Variants in CNTNAP4 observed in about 807,000 individuals in gnomAD.
CNTNAP4 encodes contactin-associated protein-like 4.
In CNTNAP4, 98 loss-of-function variants were observed where a neutral mutation model predicts 148.4. That is an observed-to-expected ratio of 0.66 (90% confidence interval 0.56 to 0.78). The LOEUF (loss-of-function observed/expected upper bound fraction) is 0.78. Ranked by LOEUF, CNTNAP4 falls within the 30% of genes least tolerant of loss-of-function variation. The pLI is 0.00. For synonymous variants in CNTNAP4, 730 were observed against 565.1 expected (o/e 1.29, Z -4.14); for missense variants, 1,935 against 1,565.6 (o/e 1.24, Z -3.98).
At chr16:76,311,590 A>G (rs914093533) in intron 1 of CNTNAP4, among the ~76,000 whole-genome samples, 1 of 152,198 alleles carries the variant, frequency 6.6e-6, no homozygotes, top group Non-Finnish European at 1.5e-5. Context: ...AACTGATATC[A>G]AGGTCTATGT....
intron 1 of CNTNAP4, among the ~76,000 whole-genome samples, chr16:76,315,645 A>G (rs976394154): frequency 6.6e-6 from 1 of 151,910 alleles, no homozygotes; most frequent in Non-Finnish European, 1.5e-5. Flanking sequence ...CCCAGGCTGG[A>G]GTGCAGTGGT....
chr16:76,418,713 C>T (rs994040850), intron 3 of CNTNAP4, among the ~76,000 whole-genome samples: 3 of 121,478 alleles, frequency 2.5e-5, no homozygotes, highest in Admixed American at 1.8e-4. Context: ...ATTGTTTTGT[C>T]TCTGCAGAGT....
At chr16:76,443,586 G>A (rs1032928848) in intron 4 of CNTNAP4, among the ~76,000 whole-genome samples, 1 of 151,814 alleles carries the variant, frequency 6.6e-6, no homozygotes, top group South Asian at 2.1e-4. Context: ...GGGAGACCCT[G>A]TCCAAAAAAA....
At chr16:76,322,068 C>T (rs138412554) in intron 2 of CNTNAP4, among the ~76,000 whole-genome samples, 1 of 152,178 alleles carries the variant, frequency 6.6e-6, no homozygotes, top group East Asian at 1.9e-4. Context: ...TGTTGGAAAA[C>T]AGAACATGCC....
intron 10 of CNTNAP4, among the ~76,000 whole-genome samples, chr16:76,468,654 T>C (rs1424138328): frequency 6.6e-6 from 1 of 151,894 alleles, no homozygotes; most frequent in Admixed American, 6.6e-5. Flanking sequence ...CTAGCTAATT[T>C]TTGTATTTTT....
rs772774812 is a variant in CNTNAP4, at chr16:76,553,862, G to C, written c.3688G>C (p.Glu1230Gln). The C allele has an allele frequency of 6.2e-7, 1 of 1,612,234 alleles. No homozygotes were observed. The highest frequency in any genetic ancestry group is 1.3e-5 in the African/African-American group (1 of 74,904). Residue 1230 changes from glutamate (E) to glutamine (Q), a missense_variant, in exon 23 of 24, where the codon GAG becomes CAG. Transcript: ENST00000611870. ...ADHSGTIDDR[E>Q]PLANAIKSDS... ...TCATTCTGGAACAATAGATGACAGA[G>C]AGCCCCTTGCTAATGCAATCAAAAG...
At chr16:76,325,979 A>G (rs184681273) in intron 2 of CNTNAP4, among the ~76,000 whole-genome samples, 1 of 152,334 alleles carries the variant, frequency 6.6e-6, no homozygotes, top group East Asian at 1.9e-4. Flanking sequence ...TTTATAATTA[A>G]AAATGTTTCA....
At chr16:76,309,517 T>C (rs1960860681) in intron 1 of CNTNAP4, among the ~76,000 whole-genome samples, 1 of 152,150 alleles carries the variant, frequency 6.6e-6, no homozygotes, top group Admixed American at 6.5e-5. Flanking sequence ...AGGTATACAT[T>C]TGGCTTTCTC....
rs1166203877 is a variant in CNTNAP4 at position 76,311,285 on chromosome 16, AAGG to A, written c.86-5124_86-5122del. On this transcript the variant is annotated intron_variant, in intron 1 of 23. Coordinates refer to ENST00000611870, the MANE Select transcript of CNTNAP4 (RefSeq NM_033401.5). Reference sequence around the variant, plus strand: ...ATCAATTAAGATGCAAGCTATAGTGAAGGAGGCTATTGAGTTTTTTTGTATATA... The same window carrying A: ...ATCAATTAAGATGCAAGCTATAGTGAAGGCTATTGAGTTTTTTTGTATATA... Among the ~76,000 whole-genome samples, 5 of 152,266 alleles carry A rather than the reference AAGG, an allele frequency of 3.3e-5. No individual in the cohort carries two copies. In the East Asian group the frequency reaches 7.7e-4, roughly 23 times the overall value.
rs376300840 is a variant in CNTNAP4 at position 76,384,560 on chromosome 16, C to T, written c.390+29049C>T. On this transcript the variant is annotated intron_variant, in intron 3 of 23. Coordinates refer to ENST00000611870, the MANE Select transcript of CNTNAP4 (RefSeq NM_033401.5). The stretch of plus-strand genomic sequence containing the variant: ...TTGTGACTGACTTGCTTTTCATTCT[C>T]CCGCACTTGGAGAGTGTGGGATGGA... Among the ~76,000 whole-genome samples the T allele has an allele frequency of 9.9e-5, 15 of 152,188 alleles. 1 individual carries two copies. The South Asian group carries it at 2.5e-3, about 25-fold the overall frequency.
chr16:76,413,385 A>T (rs1159633481), intron 3 of CNTNAP4, among the ~76,000 whole-genome samples: 1 of 151,306 alleles, frequency 6.6e-6, no homozygotes, highest in Non-Finnish European at 1.5e-5. Context: ...AGCACCATGT[A>T]TTTAAAAGAA....
rs376851667 is a variant in CNTNAP4, at chr16:76,522,055, T to C, written c.2553T>C (p.Thr851=). The change falls in exon 17 of 24, where the codon ACT becomes ACC. Residue 851 remains threonine (T), a synonymous_variant. Transcript: ENST00000611870. ...TATTTCCAGCTCCGACAGTAGTGAC[T>C]TTTTCATTTGATGTGGGGAATGGGC... is the stretch of plus-strand genomic sequence containing the variant. The part of the protein sequence containing the change: ...RIELRSPTVV[T]FSFDVGNGPF... 4 of 1,613,920 alleles carry C rather than the reference T, an allele frequency of 2.5e-6. No homozygotes were observed. Among genetic ancestry groups the C allele is most frequent in the Non-Finnish European group, 3.4e-6 (4 of 1,179,804 alleles).
intron 4 of CNTNAP4, among the ~76,000 whole-genome samples, chr16:76,445,501 G>A (rs1275854514): frequency 5.9e-5 from 9 of 152,120 alleles, no homozygotes; most frequent in Admixed American, 5.9e-4. Flanking sequence ...TGTGAAGCAA[G>A]GAGACAGTAA....
chr16:76,432,826 A>C (rs1317384264), intron 4 of CNTNAP4, among the ~76,000 whole-genome samples: 2 of 152,082 alleles, frequency 1.3e-5, no homozygotes, highest in Non-Finnish European at 2.9e-5. Context: ...CTCATCCCCA[A>C]CAGAATAAGA....
intron 10 of CNTNAP4, among the ~76,000 whole-genome samples, chr16:76,470,960 CGTTTACACAA>C (rs908974301): frequency 1.3e-5 from 2 of 152,096 alleles, no homozygotes; most frequent in Non-Finnish European, 2.9e-5. Flanking sequence ...TCCTCACACA[CGTTTACACAA>C]CTCACATATT....
intron 12 of CNTNAP4, 123 bp downstream of exon 12, chr16:76,479,661 T>G: frequency 1.1e-6 from 1 of 926,136 alleles, no homozygotes; most frequent in Non-Finnish European, 1.6e-6. Flanking sequence ...GTATTGTTCC[T>G]TAGAAAAACT....
rs1368869621 is a variant in CNTNAP4, at chr16:76,460,499, C to T, written c.1334-1457C>T. Among the ~76,000 whole-genome samples, 22 of 149,948 alleles carry T rather than the reference C, an allele frequency of 1.5e-4. No individual in the cohort carries two copies. In the South Asian group the frequency reaches 3.4e-3, roughly 23 times the overall value. Reference sequence around the variant, plus strand: ...AGTTAGGGCCAGGCGCGGTGGCTCACGCCTGTAATCCCAGCACTTTGGGAA... The same window carrying T: ...AGTTAGGGCCAGGCGCGGTGGCTCATGCCTGTAATCCCAGCACTTTGGGAA... On this transcript the variant is annotated intron_variant, in intron 8 of 23. Transcript: ENST00000611870.
rs560406653 is a variant in CNTNAP4 at position 76,380,153 on chromosome 16, A to C, written c.390+24642A>C. Among the ~76,000 whole-genome samples the C allele has an allele frequency of 3.9e-5, 6 of 152,350 alleles. No individual in the cohort carries two copies. The South Asian group carries it at 8.3e-4, about 21-fold the overall frequency. On this transcript the variant is annotated intron_variant, in intron 3 of 23. Coordinates refer to ENST00000611870, the MANE Select transcript of CNTNAP4 (RefSeq NM_033401.5). ...TGGAAAATGTGTTCATAAAGGCCCT[A>C]TGCATTTAGAATTAGTGGCATACAC...
At chr16:76,406,587 A>T (rs369060864) in intron 3 of CNTNAP4, among the ~76,000 whole-genome samples, 2 of 152,226 alleles carry the variant, frequency 1.3e-5, no homozygotes, top group South Asian at 2.1e-4. Flanking sequence ...GCAAAGAAAA[A>T]GTTTGTGAAG....
Sources: gnomAD v4.1 joint callset for allele counts (sites outside exome capture counted in the v4.1 genomes callset) on GRCh38, gnomAD v4.1.1 for gene constraint, MANE v1.5 for transcripts, NCBI Gene and HGNC (gene_info 2026-07-23, HGNC 2026-07-21) for gene names.